Variants in KLHDC4 observed in about 807,000 individuals in gnomAD.
The protein encoded by KLHDC4 is kelch domain-containing protein 4.
Under a neutral mutation model 62.4 loss-of-function variants are expected in KLHDC4, and 90 were observed. The ratio of observed to expected loss-of-function variants is 1.44; its 90% CI spans 1.22 to 1.72. KLHDC4 has a LOEUF of 1.72. Ranked by LOEUF, KLHDC4 falls within the 40% of genes most tolerant of loss-of-function variation. The probability of loss-of-function intolerance (pLI) is 0.00; values close to 1 mark genes in which losing one functional copy is unlikely to be tolerated. For synonymous variants in KLHDC4, 386 were observed against 284.4 expected, an observed-to-expected ratio of 1.36 and a Z score of -3.59; for missense variants, 1,025 against 699.7, an observed-to-expected ratio of 1.47 and a Z score of -5.25.
At chr16:87,704,595 A>G (rs1343037260), downstream of KLHDC4, among the ~76,000 whole-genome samples, 3 of 151,024 alleles carry the variant, frequency 2.0e-5, no homozygotes, top group South Asian at 2.1e-4. Flanking sequence ...CGTCACGGAG[A>G]AGGAGGCGCC....
chr16:87,723,741 G>A (rs567880146), intron 7 of KLHDC4, among the ~76,000 whole-genome samples: 54 of 152,284 alleles, frequency 3.5e-4, no homozygotes, highest in Admixed American at 1.3e-3. Context: ...GCAGCAGAAT[G>A]AACGTGGATC....
At chr16:87,756,602 C>A in intron 2 of KLHDC4, 125 bp from the exon 3 acceptor site, 1 of 673,316 alleles carries the variant, frequency 1.5e-6, no homozygotes, top group Non-Finnish European at 2.6e-6. Context: ...GAAAGGAGAG[C>A]CTGGCATCGA....
chr16:87,764,386 C>T (rs1035773670), intron 1 of KLHDC4, among the ~76,000 whole-genome samples: 2 of 151,904 alleles, frequency 1.3e-5, no homozygotes, highest in African/African-American at 4.8e-5. Flanking sequence ...AGGTGGCTTA[C>T]GGCTTGTAAT....
At position 87,761,977 on chromosome 16, in the gene KLHDC4, CCA is replaced by C. The variant is rs1287844800; in HGVS notation, c.161_162del (p.Val54GlyfsTer20). 2 of 1,613,776 alleles carry C rather than the reference CCA, an allele frequency of 1.2e-6. No homozygotes were observed. Among genetic ancestry groups the C allele is most frequent in the African/African-American group, 2.7e-5 (2 of 74,888 alleles). On this transcript the variant is annotated frameshift_variant, in exon 2 of 12. Coordinates refer to ENST00000270583, the MANE Select transcript of KLHDC4 (RefSeq NM_017566.4). LOFTEE classifies it high-confidence loss of function. ...QTLDAKRTQT[V>X]ELPCPPPSPR... ...GGTGAGGGTGGGGGGCACGGAAGTT[CCA>C]CAGTCTGAGTCCTCTTGGCATCGAG...
intron 4 of KLHDC4, among the ~76,000 whole-genome samples, chr16:87,754,540 A>G (rs913160288): frequency 3.3e-5 from 5 of 152,218 alleles, no homozygotes; most frequent in South Asian, 4.1e-4. Context: ...ACAGGAATGC[A>G]TGTATCATGC....
In KLHDC4 at chr16:87,732,499, C is replaced by T. The variant is rs75683479; in HGVS notation, c.507-1855G>A. Among the ~76,000 whole-genome samples, 780 of 152,196 alleles carry T rather than the reference C, an allele frequency of 5.1e-3. 8 individuals carry two copies. The highest frequency in any genetic ancestry group is 0.018 in the African/African-American group (739 of 41,512). ...TCTCAATAAAACTGATATAAAAATA[C>T]ATGGCAATAAAAAAATACAAAAAGC... On this transcript the variant is annotated intron_variant, in intron 5 of 11. Transcript: ENST00000270583.
rs1309717256 is a variant in KLHDC4, at chr16:87,714,153, G to C, written c.835+345C>G. 2.0e-5 allele frequency among the ~76,000 whole-genome samples: 3 copies of C among 152,198 alleles called. No individual in the cohort carries two copies. The East Asian group carries it at 5.8e-4, about 29-fold the overall frequency. On this transcript the variant is annotated intron_variant, in intron 8 of 11. Transcript: ENST00000270583. ...CTGGTGGCTTGTACTCAAGGCCCAG[G>C]ATGGTTCTCCCTTCGAGAGCTCAAG...
rs2143001551 is a variant in KLHDC4, at chr16:87,728,361, A to G, written c.600-1437T>C. ...CTGTTTTTTTCAGATTTCACGTCGC[A>G]GATTTTTAGTACAAAGATTCTACTT... On this transcript the variant is annotated intron_variant, in intron 6 of 11. Transcript: ENST00000270583. 1.3e-5 allele frequency among the ~76,000 whole-genome samples: 2 copies of G among 152,362 alleles called. 1 individual carries two copies. Among genetic ancestry groups the G allele is most frequent in the South Asian group, 4.1e-4 (2 of 4,830 alleles).
At chr16:87,717,011 T>A (rs761586163) in intron 7 of KLHDC4, among the ~76,000 whole-genome samples, 14 of 152,164 alleles carry the variant, frequency 9.2e-5, no homozygotes, top group Non-Finnish European at 1.6e-4. Context: ...GTGGGCAGAC[T>A]GCTTGAGTTC....
chr16:87,725,776 G>C (rs1001092642), intron 7 of KLHDC4, among the ~76,000 whole-genome samples: 7 of 152,086 alleles, frequency 4.6e-5, no homozygotes, highest in African/African-American at 1.7e-4. Flanking sequence ...GCAGATGCCA[G>C]TACACGTGCA....
Position 87,714,665 on chromosome 16 carries a change from G to T in KLHDC4, c.760-92C>A, listed in dbSNP as rs545796386. On this transcript the variant is annotated intron_variant, in intron 7 of 11. Coordinates refer to ENST00000270583, the MANE Select transcript of KLHDC4 (RefSeq NM_017566.4). ...CCTGTGGGCGCATTTTGGATGGAAGGGGCTGGAGGCCTTCCCTGTAGACCA... is the reference window on the plus strand; with the variant it reads ...CCTGTGGGCGCATTTTGGATGGAAGTGGCTGGAGGCCTTCCCTGTAGACCA... The T allele has an allele frequency of 6.5e-4, 883 of 1,364,008 alleles. 3 individuals are homozygous for T. Among genetic ancestry groups the T allele is most frequent in the Middle Eastern group, 2.2e-3 (12 of 5,542 alleles). 84.5% of individuals were successfully genotyped at this position (1,364,008 alleles called of 1,614,324 possible).
chr16:87,699,438 A>G (rs2034038883), exon 1 of KLHDC4: 1 of 152,356 alleles, frequency 6.6e-6, no homozygotes, highest in East Asian at 1.9e-4. Context: ...TCATGCCTGT[A>G]ATCCCAGCAC....
At chr16:87,763,961 T>C (rs778892133) in intron 1 of KLHDC4, among the ~76,000 whole-genome samples, 6 of 152,140 alleles carry the variant, frequency 3.9e-5, no homozygotes, top group Non-Finnish European at 5.9e-5. Flanking sequence ...TAAAAGACAC[T>C]GTGGCTGGAG....
At chr16:87,719,743 G>A (rs933046392) in intron 7 of KLHDC4, among the ~76,000 whole-genome samples, 1 of 152,020 alleles carries the variant, frequency 6.6e-6, no homozygotes, top group Admixed American at 6.6e-5. Context: ...TTTTGGAGAA[G>A]TTAGACTTCA....
rs138421957 is a variant in KLHDC4, at chr16:87,748,266, G to T, written c.506+407C>A. Among the ~76,000 whole-genome samples, 17 of 152,138 alleles carry T rather than the reference G, an allele frequency of 1.1e-4. No individual in the cohort carries two copies. The East Asian group carries it at 3.1e-3, about 28-fold the overall frequency. On this transcript the variant is annotated intron_variant, in intron 5 of 11. Transcript: ENST00000270583. ...CTTCCTGTCTCATACCAGCTCCACG[G>T]TTTCTACACCAACTCGACACAGAAA...
At chr16:87,742,581 G>T (rs1057079574) in intron 5 of KLHDC4, among the ~76,000 whole-genome samples, 4 of 152,166 alleles carry the variant, frequency 2.6e-5, no homozygotes, top group Non-Finnish European at 5.9e-5. Flanking sequence ...GTCAGGATAG[G>T]GATCGTGGAG....
chr16:87,722,020 C>T (rs553004520), intron 7 of KLHDC4, among the ~76,000 whole-genome samples: 4 of 152,220 alleles, frequency 2.6e-5, no homozygotes, highest in Admixed American at 2.0e-4. Flanking sequence ...AACGAGAACT[C>T]CCCCTCTCCA....
At chr16:87,763,080 A>G (rs1162169260) in intron 1 of KLHDC4, among the ~76,000 whole-genome samples, 2 of 152,218 alleles carry the variant, frequency 1.3e-5, no homozygotes, top group South Asian at 4.1e-4. Flanking sequence ...TTAGTATTCT[A>G]AACGATGCAA....
chr16:87,730,871 C>G (rs763072327), intron 5 of KLHDC4: 1 of 455,358 alleles, frequency 2.2e-6, no homozygotes, highest in South Asian at 2.4e-5. Context: ...GAGAACATCT[C>G]CAAGACCTTG....
Sources: allele counts gnomAD v4.1 joint callset (sites outside exome capture counted in the v4.1 genomes callset), GRCh38; gene constraint gnomAD v4.1.1; transcripts MANE v1.5; gene names NCBI Gene and HGNC (gene_info 2026-07-23, HGNC 2026-07-21).